Variants in PPP4R3A observed in about 807,000 individuals in gnomAD.
PPP4R3A encodes the protein protein phosphatase 4 regulatory subunit 3A, also known as serine/threonine-protein phosphatase 4 regulatory subunit 3A.
A neutral mutation model predicts 91.7 loss-of-function variants in PPP4R3A; 15 were observed. The observed-to-expected ratio is 0.16, with a 90% CI of 0.11 to 0.25. The LOEUF (loss-of-function observed/expected upper bound fraction) is 0.25. Among genes scored for constraint, PPP4R3A ranks in the 10% least tolerant of loss-of-function variants. PPP4R3A has a pLI of 1.00. For synonymous variants in PPP4R3A, 377 were observed against 348.7 expected, an observed-to-expected ratio of 1.08 and a Z score of -0.91; for missense variants, 623 against 998.4, an observed-to-expected ratio of 0.62 and a Z score of 5.07.
At chr14:91,489,652 C>T (rs1332946219) in intron 2 of PPP4R3A, among the ~76,000 whole-genome samples, 1 of 152,168 alleles carries the variant, frequency 6.6e-6, no homozygotes, top group Admixed American at 6.5e-5. Context: ...TGCTTTTACT[C>T]TTCAGCTGAA....
rs1024799466 is a variant in PPP4R3A, at chr14:91,509,917, G to C, written c.-270C>G. Reference sequence around the variant, plus strand: ...CGCCCGGCAGCCCCGAGGGGGCCGCGCAGCGCTTCGTAGCCTCCCGCCCCG... The same window carrying C: ...CGCCCGGCAGCCCCGAGGGGGCCGCCCAGCGCTTCGTAGCCTCCCGCCCCG... On this transcript the variant is annotated 5_prime_UTR_variant, in exon 1 of 15. Transcript: ENST00000554943. 1.2e-5 allele frequency: 13 copies of C among 1,053,304 alleles called. No individual in the cohort carries two copies. The African/African-American group carries it at 2.0e-4, about 16-fold the overall frequency. 65.2% of individuals were successfully genotyped at this position (1,053,304 alleles called of 1,614,324 possible). A position where few individuals can be genotyped will look rare whatever the true frequency, so the allele number is the denominator to read the frequency against.
chr14:91,474,701 C>T (rs990588441), intron 7 of PPP4R3A: 13 of 151,618 alleles, frequency 8.6e-5, no homozygotes, highest in African/African-American at 3.2e-4. Flanking sequence ...TAGCTCACTG[C>T]AGAGTCAAAC....
chr14:91,460,547 A>G (rs2140060729), intron 14 of PPP4R3A, among the ~76,000 whole-genome samples: 1 of 152,190 alleles, frequency 6.6e-6, no homozygotes. Context: ...TTATGTCTCA[A>G]AAGAAAAGGG....
At chr14:91,466,195 C>T (rs1173307048) in intron 10 of PPP4R3A, 9 of 981,590 alleles carry the variant, frequency 9.2e-6, no homozygotes, top group Non-Finnish European at 1.1e-5. Context: ...GCCCTCTTTA[C>T]CTAAATGGAA....
chr14:91,460,645 T>TG (rs1888083715), intron 14 of PPP4R3A, among the ~76,000 whole-genome samples: 2 of 145,552 alleles, frequency 1.4e-5, no homozygotes, highest in African/African-American at 2.5e-5. Context: ...TCCTTTTTTT[T>TG]TTTTTTTTTT....
chr14:91,461,970 A>C, intron 13 of PPP4R3A, 79 bp downstream of exon 13: 1 of 1,416,102 alleles, frequency 7.1e-7, no homozygotes, highest in Non-Finnish European at 9.2e-7. Flanking sequence ...CCAAGCAAAT[A>C]ATCATTTTGT....
chr14:91,458,729 A>G lies in PPP4R3A; in HGVS notation c.*30T>C, dbSNP rs768283019. The G allele has an allele frequency of 6.2e-6, 10 of 1,613,884 alleles. No homozygotes were observed. Among genetic ancestry groups the G allele is most frequent in the Non-Finnish European group, 8.5e-6 (10 of 1,179,944 alleles). ...AGGGGTGGAGAACCAGTTTTTTTCA[A>G]CAGGTACTGATCCTAGGCCGTTGCC... On this transcript the variant is annotated 3_prime_UTR_variant, in exon 15 of 15. Coordinates refer to ENST00000554943, the MANE Select transcript of PPP4R3A (RefSeq NM_001366432.2).
intron 10 of PPP4R3A, among the ~76,000 whole-genome samples, chr14:91,468,877 C>T (rs1888659905): frequency 6.6e-6 from 1 of 151,766 alleles, no homozygotes; most frequent in South Asian, 2.1e-4. Context: ...ATTATTTCCA[C>T]TATGCATCCA....
chr14:91,483,200 C>A (rs1233938555), intron 3 of PPP4R3A, among the ~76,000 whole-genome samples: 1 of 152,022 alleles, frequency 6.6e-6, no homozygotes, highest in African/African-American at 2.4e-5. Flanking sequence ...ACAGTGAACA[C>A]TAAAGCAAGT....
Position 91,509,507 on chromosome 14 carries a change from G to A in PPP4R3A, c.141C>T (p.Asp47=), listed in dbSNP as rs1490303801. The change falls in exon 1 of 15, where the codon GAC becomes GAT. Residue 47 remains aspartate, a splice_region_variant and synonymous_variant. Transcript: ENST00000554943. ...GMSLLVRAES[D]GSLLLESKIN... is the part of the protein sequence containing the mutation. ...CCCGCCGCGCGGGGCTTCACTTACC[G>A]TCGCTCTCAGCCCTGACAAGCAGGG... The A allele has an allele frequency of 6.3e-7, 1 of 1,588,650 alleles. No individual in the cohort carries two copies. Among genetic ancestry groups the A allele is most frequent in the African/African-American group, 1.3e-5 (1 of 74,702 alleles).
intron 14 of PPP4R3A, among the ~76,000 whole-genome samples, chr14:91,459,194 T>TC (rs906113115): frequency 2.0e-4 from 30 of 152,026 alleles, no homozygotes; most frequent in African/African-American, 7.2e-4. Context: ...AACCTCCACC[T>TC]CCCAGGTTCA....
At chr14:91,482,226 G>C (rs1889610143) in intron 3 of PPP4R3A, 33 bp from the exon 4 acceptor site, 2 of 1,548,454 alleles carry the variant, frequency 1.3e-6, no homozygotes, top group East Asian at 2.3e-5. Flanking sequence ...TGACAAAATA[G>C]ATAACAGGTG....
intron 10 of PPP4R3A, among the ~76,000 whole-genome samples, chr14:91,467,278 G>T (rs920243718): frequency 2.9e-5 from 4 of 138,984 alleles, no homozygotes; most frequent in African/African-American, 1.1e-4. Flanking sequence ...TTACCAGTAA[G>T]ATCTAGGAAG....
chr14:91,483,644 G>C (rs1435073548), intron 3 of PPP4R3A, among the ~76,000 whole-genome samples: 1 of 152,122 alleles, frequency 6.6e-6, no homozygotes, highest in African/African-American at 2.4e-5. Context: ...TCAAGAAATA[G>C]AAAAACATTT....
chr14:91,490,865 C>T lies in PPP4R3A; in HGVS notation c.143-63G>A, dbSNP rs184503321. On this transcript the variant is annotated intron_variant, in intron 1 of 14. Transcript: ENST00000554943. ...AAAACAGCAAAATTATATTCCCTTA[C>T]ATACACACATATTTCCTTAAAAAAA... 80 of 835,000 alleles carry T rather than the reference C, an allele frequency of 9.6e-5. No individual in the cohort carries two copies. In the East Asian group the frequency reaches 2.4e-3, roughly 25 times the overall value. 51.7% of individuals were successfully genotyped at this position (835,000 alleles called of 1,614,324 possible).
intron 4 of PPP4R3A, 40 bp downstream of exon 4, chr14:91,481,536 G>GC: frequency 6.7e-7 from 1 of 1,499,308 alleles, no homozygotes; most frequent in Non-Finnish European, 8.9e-7. Flanking sequence ...TGTTTTCGCT[G>GC]CATCTCTTGA....
At chr14:91,474,815 G>A (rs1367044593) in intron 7 of PPP4R3A, 1 of 152,030 alleles carries the variant, frequency 6.6e-6, no homozygotes, top group Non-Finnish European at 1.5e-5. Context: ...TACTAAAGGA[G>A]GGTCTTGCTA....
intron 3 of PPP4R3A, among the ~76,000 whole-genome samples, chr14:91,484,335 GT>G (rs1234320045): frequency 6.6e-6 from 1 of 152,182 alleles, no homozygotes; most frequent in Non-Finnish European, 1.5e-5. Context: ...TGCTATAGCT[GT>G]CAAACTTTAG....
rs1167883278 is a variant in PPP4R3A, at chr14:91,462,921, T to C, written c.1831-44A>G. On this transcript the variant is annotated intron_variant, in intron 11 of 14. Coordinates refer to ENST00000554943, the MANE Select transcript of PPP4R3A (RefSeq NM_001366432.2). The stretch of plus-strand genomic sequence containing the variant: ...ATGAAAAAATGATAGGAAAATGTCA[T>C]TTTAGCAAGATGAGGCTTAATTTAA... 8 of 1,492,740 alleles carry C rather than the reference T, an allele frequency of 5.4e-6. No individual in the cohort carries two copies. In the East Asian group the frequency reaches 6.9e-5, roughly 13 times the overall value. 92.5% of individuals were successfully genotyped at this position (1,492,740 alleles called of 1,614,324 possible).
Sources: allele counts gnomAD v4.1 joint callset (sites outside exome capture counted in the v4.1 genomes callset), GRCh38; gene constraint gnomAD v4.1.1; transcripts MANE v1.5; gene names NCBI Gene and HGNC (gene_info 2026-07-23, HGNC 2026-07-21).